Variants in HYCC1 observed in about 807,000 individuals in gnomAD.
HYCC1 encodes the protein hyccin PI4KA lipid kinase complex subunit 1.
At chr7:22,971,054 T>C in the HYCC1 span, among the ~76,000 whole-genome samples, 10 of 152,030 alleles carry the variant, frequency 6.6e-5, no homozygotes, top group African/African-American at 2.2e-4. Context: ...AGCATCAATG[T>C]GTAAGTGAGA....
chr7:22,966,217 A>G, the HYCC1 span, among the ~76,000 whole-genome samples: 9 of 152,310 alleles, frequency 5.9e-5, no homozygotes, highest in Non-Finnish European at 1.2e-4. Context: ...GGGATTATAG[A>G]TCTATTTTCT....
At chr7:22,930,381 G>C in the HYCC1 span, among the ~76,000 whole-genome samples, 1 of 108,128 alleles carries the variant, frequency 9.2e-6, no homozygotes, top group Admixed American at 9.4e-5. Context: ...AAAGTAAAAA[G>C]AAAAAGAAAA....
the HYCC1 span, among the ~76,000 whole-genome samples, chr7:22,972,989 T>C: frequency 6.6e-6 from 1 of 152,204 alleles, no homozygotes; most frequent in East Asian, 1.9e-4. Flanking sequence ...AGTTCATCTA[T>C]CCCATGAATT....
chr7:22,969,657 G>A, the HYCC1 span, among the ~76,000 whole-genome samples: 1 of 151,734 alleles, frequency 6.6e-6, no homozygotes, highest in African/African-American at 2.4e-5. Context: ...CCATGTAGAA[G>A]GGATTACAGG....
chr7:22,931,259 A>G, the HYCC1 span, among the ~76,000 whole-genome samples: 2 of 151,242 alleles, frequency 1.3e-5, no homozygotes, highest in African/African-American at 2.4e-5. Context: ...AAAAAAGAAA[A>G]AAAAAAAAAA....
At chr7:22,946,279 A>C in the HYCC1 span, 11 of 779,178 alleles carry the variant, frequency 1.4e-5, no homozygotes, top group African/African-American at 1.8e-4. Context: ...ATAATTTATA[A>C]AGCAACAGAT....
At chr7:22,974,909 G>C in the HYCC1 span, among the ~76,000 whole-genome samples, 1 of 152,140 alleles carries the variant, frequency 6.6e-6, no homozygotes, top group Non-Finnish European at 1.5e-5. Context: ...GAGTTCTCCT[G>C]CATATGCTTT....
the HYCC1 span, among the ~76,000 whole-genome samples, chr7:22,979,494 A>T: frequency 6.6e-5 from 10 of 152,188 alleles, no homozygotes; most frequent in South Asian, 6.2e-4. Context: ...GATAGCAAGA[A>T]AAGTTTTTAG....
chr7:22,992,243 GCTGT>G, the HYCC1 span, among the ~76,000 whole-genome samples: 1 of 151,936 alleles, frequency 6.6e-6, no homozygotes, highest in African/African-American at 2.4e-5. Context: ...TAAGGTTCCT[GCTGT>G]CTAATTCTCA....
At chr7:22,919,404 C>T in the HYCC1 span, among the ~76,000 whole-genome samples, 10 of 152,112 alleles carry the variant, frequency 6.6e-5, no homozygotes, top group Non-Finnish European at 1.3e-4. Context: ...TGGCACGTGC[C>T]TGTAATCCCA....
chr7:22,908,539 A>T, the HYCC1 span, among the ~76,000 whole-genome samples: 2 of 152,098 alleles, frequency 1.3e-5, no homozygotes, highest in African/African-American at 4.8e-5. Context: ...TGCATCTTTG[A>T]TCTACATCTT....
the HYCC1 span, among the ~76,000 whole-genome samples, chr7:22,980,692 C>T: frequency 2.3e-3 from 345 of 152,146 alleles, no homozygotes; most frequent in African/African-American, 7.7e-3. Flanking sequence ...GAAAAAGATA[C>T]GGAAAAGTTG....
the HYCC1 span, among the ~76,000 whole-genome samples, chr7:22,947,591 T>C: frequency 6.6e-6 from 1 of 152,080 alleles, no homozygotes; most frequent in Non-Finnish European, 1.5e-5. Flanking sequence ...CTTTGGGTAA[T>C]TTTCTAGTGT....
the HYCC1 span, among the ~76,000 whole-genome samples, chr7:22,908,155 T>G: frequency 6.6e-6 from 1 of 152,136 alleles, no homozygotes; most frequent in African/African-American, 2.4e-5. Flanking sequence ...AAGAAGAGCT[T>G]AAGTGATGAA....
chr7:22,915,008 A>G, the HYCC1 span, among the ~76,000 whole-genome samples: 1 of 152,134 alleles, frequency 6.6e-6, no homozygotes, highest in Admixed American at 6.5e-5. Context: ...ACCTCTCCCA[A>G]ATCAGTTGGC....
At chr7:22,926,460 T>C in the HYCC1 span, among the ~76,000 whole-genome samples, 17 of 152,090 alleles carry the variant, frequency 1.1e-4, no homozygotes, top group Admixed American at 8.5e-4. Context: ...GAGACACATA[T>C]AGGCTCAAAA....
At chr7:22,923,619 C>T in the HYCC1 span, among the ~76,000 whole-genome samples, 1 of 151,730 alleles carries the variant, frequency 6.6e-6, no homozygotes, top group East Asian at 1.9e-4. Context: ...GTTTATCTTT[C>T]AAAAAAATCA....
chr7:22,951,500 T>C, the HYCC1 span, among the ~76,000 whole-genome samples: 3 of 152,004 alleles, frequency 2.0e-5, no homozygotes, highest in African/African-American at 4.8e-5. Flanking sequence ...TACTTTAACT[T>C]AGAATAAACC....
the HYCC1 span, among the ~76,000 whole-genome samples, chr7:23,002,856 A>G: frequency 3.9e-5 from 6 of 152,192 alleles, no homozygotes; most frequent in Non-Finnish European, 8.8e-5. Flanking sequence ...GTCTAAGATC[A>G]AGATTCAGGA....
Sources: gnomAD v4.1 joint callset for allele counts (sites outside exome capture counted in the v4.1 genomes callset) on GRCh38, gnomAD v4.1.1 for gene constraint, MANE v1.5 for transcripts, NCBI Gene and HGNC (gene_info 2026-07-23, HGNC 2026-07-21) for gene names.